The following PNPT1 variants were observed in gnomAD, a reference collection of about 807,000 sequenced individuals.
PNPT1 encodes polyribonucleotide nucleotidyltransferase 1, also known as polyribonucleotide nucleotidyltransferase 1, mitochondrial.
In PNPT1, 53 loss-of-function variants were observed where a neutral mutation model predicts 119.5. The observed-to-expected ratio is 0.44, with a 90% CI of 0.36 to 0.56. PNPT1 has a LOEUF of 0.56. PNPT1 is among the 20% of genes least tolerant of loss of function. PNPT1 has a pLI of 0.00. For missense variants in PNPT1, 948 were observed against 938.5 expected (o/e 1.01, Z -0.13); for synonymous variants, 357 against 322.1 (o/e 1.11, Z -1.16).
At chr2:55,643,078 T>C (rs2104025996) in intron 25 of PNPT1, 80 bp downstream of exon 25, 1 of 1,452,692 alleles carries the variant, frequency 6.9e-7, no homozygotes, top group Non-Finnish European at 9.6e-7. Context: ...GGCACCACTG[T>C]ATCCCACTGT....
chr2:55,660,061 A>T, intron 15 of PNPT1, 96 bp downstream of exon 15: 2 of 1,247,284 alleles, frequency 1.6e-6, no homozygotes, highest in Non-Finnish European at 2.2e-6. Flanking sequence ...CTGAGACTGC[A>T]CCACTCCACT....
At chr2:55,673,663 T>C (rs964561236) in intron 8 of PNPT1, among the ~76,000 whole-genome samples, 38 of 152,128 alleles carry the variant, frequency 2.5e-4, no homozygotes, top group Non-Finnish European at 2.5e-4. Context: ...TTAGCCAGGA[T>C]GGTCTCAATC....
chr2:55,672,734 T>C (rs1227093200), intron 9 of PNPT1, among the ~76,000 whole-genome samples, 159 bp downstream of exon 9: 1 of 152,232 alleles, frequency 6.6e-6, no homozygotes, highest in East Asian at 1.9e-4. Flanking sequence ...CTTATCCTTT[T>C]TAAGGGAGTA....
At chr2:55,692,675 G>C (rs1219948970) in intron 1 of PNPT1, among the ~76,000 whole-genome samples, 1 of 152,004 alleles carries the variant, frequency 6.6e-6, no homozygotes, top group Non-Finnish European at 1.5e-5. Flanking sequence ...ATAAAATGAG[G>C]GTAATAGTAC....
At chr2:55,673,173 G>T in intron 8 of PNPT1, 94 bp from the exon 9 acceptor site, 2 of 1,009,294 alleles carry the variant, frequency 2.0e-6, no homozygotes, top group Non-Finnish European at 2.8e-6. Flanking sequence ...AAATATTATG[G>T]ATCAATTTTA....
In PNPT1 at chr2:55,645,514, C is replaced by T. The variant is rs4672061; in HGVS notation, c.1739-82G>A. ...CTGTACTCTTAGTTTTCACGGTATA[C>T]AATCTAAACCCTGTAGCTTAATAAT... On this transcript the variant is annotated intron_variant, in intron 21 of 27. Transcript: ENST00000447944. 8.5e-3 allele frequency: 7,252 copies of T among 853,388 alleles called. 127 individuals are homozygous for T. The highest frequency in any genetic ancestry group is 0.06 in the Admixed American group (2,695 of 44,778). The allele number at this position is 853,388 out of a possible 1,614,324, so 52.9% of individuals were successfully genotyped here. A position where few individuals can be genotyped will look rare whatever the true frequency, so the allele number is the denominator to read the frequency against.
At chr2:55,657,194 T>A (rs1696412604) in intron 15 of PNPT1, among the ~76,000 whole-genome samples, 1 of 151,648 alleles carries the variant, frequency 6.6e-6, no homozygotes, top group African/African-American at 2.4e-5. Context: ...CAGGGCGTGG[T>A]GGCGCATGCC....
chr2:55,662,145 G>T, intron 13 of PNPT1, 119 bp from the exon 14 acceptor site: 1 of 758,828 alleles, frequency 1.3e-6, no homozygotes, highest in Non-Finnish European at 1.9e-6. Context: ...CCTACACAAA[G>T]CTTGCCATGC....
At chr2:55,641,095 G>A (rs1051375530) in intron 25 of PNPT1, among the ~76,000 whole-genome samples, 7 of 151,800 alleles carry the variant, frequency 4.6e-5, no homozygotes, top group South Asian at 2.1e-4. Flanking sequence ...CTGGTGGCGC[G>A]CACCTGTAAT....
At chr2:55,689,459 T>G (rs1697522533) in intron 1 of PNPT1, among the ~76,000 whole-genome samples, 1 of 152,224 alleles carries the variant, frequency 6.6e-6, no homozygotes, top group African/African-American at 2.4e-5. Context: ...ACAACCCAAA[T>G]GTCCATCAAC....
At chr2:55,666,738 A>G (rs1009644036) in intron 13 of PNPT1, among the ~76,000 whole-genome samples, 1 of 152,180 alleles carries the variant, frequency 6.6e-6, no homozygotes, top group Non-Finnish European at 1.5e-5. Flanking sequence ...GCTACTCAGG[A>G]AGCCGAGGTG....
At chr2:55,679,106 C>T (rs1697171017) in intron 8 of PNPT1, among the ~76,000 whole-genome samples, 1 of 152,132 alleles carries the variant, frequency 6.6e-6, no homozygotes, top group East Asian at 1.9e-4. Context: ...ATTTTCCTTC[C>T]ACAGAACAAG....
chr2:55,685,902 C>G, intron 3 of PNPT1, among the ~76,000 whole-genome samples: 1 of 152,148 alleles, frequency 6.6e-6, no homozygotes, highest in East Asian at 1.9e-4. Context: ...GTAAATTCTA[C>G]ATAAATAGTT....
In PNPT1 at chr2:55,656,352, T is replaced by C. The variant is rs1041018213; in HGVS notation, c.1304A>G (p.Asn435Ser). 8.7e-6 allele frequency: 14 copies of C among 1,609,554 alleles called. No homozygotes were observed. Among genetic ancestry groups the C allele is most frequent in the Middle Eastern group, 1.7e-4 (1 of 6,032 alleles). ...TAAACCAGTGACTTTGCCAATTTCA[T>C]TAGTTGCATAAGGAGGAAACTTAAA... Reference protein sequence around the residue: ...LHYEFPPYATNEIGKVTGLNR... With the variant: ...LHYEFPPYATSEIGKVTGLNR... The change falls in exon 16 of 28, where the codon AAT becomes AGT. Residue 435 changes from asparagine to serine, a missense_variant. Asn to Ser is a conservative substitution (Grantham distance 46). Coordinates refer to ENST00000447944, the MANE Select transcript of PNPT1 (RefSeq NM_033109.5).
chr2:55,661,107 T>C (rs1367951583), intron 14 of PNPT1, among the ~76,000 whole-genome samples: 4 of 144,548 alleles, frequency 2.8e-5, no homozygotes, highest in Non-Finnish European at 6.1e-5. Flanking sequence ...TTTTTTTTTT[T>C]TTTTTTTTGA....
rs1384574087 is a variant in PNPT1 at position 55,656,389 on chromosome 2, A to G, written c.1285-18T>C. 1 of 1,550,344 alleles carries G rather than the reference A, an allele frequency of 6.5e-7. No individual in the cohort carries two copies. The highest frequency in any genetic ancestry group is 2.2e-5 in the East Asian group (1 of 44,530). The stretch of plus-strand genomic sequence containing the variant: ...GGAGGAAACTTAAAAAAAAAAAAAC[A>G]CAAACACACATATACAATTGACATA... On this transcript the variant is annotated intron_variant, in intron 15 of 27. Coordinates refer to ENST00000447944, the MANE Select transcript of PNPT1 (RefSeq NM_033109.5).
Position 55,646,322 on chromosome 2 carries a change from C to T in PNPT1, c.1675G>A (p.Ala559Thr). The T allele has an allele frequency of 1.2e-6, 2 of 1,611,016 alleles. No individual in the cohort carries two copies. The highest frequency in any genetic ancestry group is 1.7e-6 in the Non-Finnish European group (2 of 1,178,182). ...GGTATTCCAGGTAATTTAATATCAG[C>T]CTAATATGGAAAAGTCAAACAATTA... ...GTNKGITALQADIKLPGIPIK... is the reference protein window; with the variant it reads ...GTNKGITALQTDIKLPGIPIK... Residue 559 changes from alanine (A) to threonine (T), a missense_variant and splice_region_variant, in exon 21 of 28, where the codon GCT (alanine) becomes ACT (threonine). Physicochemically the swap from Ala to Thr is moderately conservative, Grantham distance 58. Coordinates refer to ENST00000447944, the MANE Select transcript of PNPT1 (RefSeq NM_033109.5).
intron 9 of PNPT1, among the ~76,000 whole-genome samples, chr2:55,672,432 C>T (rs1051538385): frequency 6.6e-6 from 1 of 152,174 alleles, no homozygotes; most frequent in South Asian, 2.1e-4. Flanking sequence ...GGCTGTGCAA[C>T]TGACATTAAG....
intron 4 of PNPT1, among the ~76,000 whole-genome samples, chr2:55,684,557 T>C (rs906043250): frequency 1.3e-5 from 2 of 152,234 alleles, no homozygotes; most frequent in Non-Finnish European, 1.5e-5. Flanking sequence ...ATGGACATAT[T>C]TCAGTAGCTG....
Sources: gnomAD v4.1 joint callset for allele counts (sites outside exome capture counted in the v4.1 genomes callset) on GRCh38, gnomAD v4.1.1 for gene constraint, MANE v1.5 for transcripts, NCBI Gene and HGNC (gene_info 2026-07-23, HGNC 2026-07-21) for gene names.